KALRN: variants seen among roughly 807,000 people sequenced by gnomAD.
The protein encoded by KALRN is kalirin RhoGEF kinase, also known as kalirin.
KALRN carries 70 observed loss-of-function variants against 353.7 expected under a neutral mutation model. The ratio of observed to expected loss-of-function variants is 0.20; its 90% confidence interval spans 0.16 to 0.24. The LOEUF (loss-of-function observed/expected upper bound fraction) is 0.24, where lower values mean the gene tolerates loss of function less well. Ranked by LOEUF, KALRN falls within the 10% of genes least tolerant of loss-of-function variation. KALRN has a pLI of 1.00. For missense variants in KALRN, 2,791 were observed against 3,756.7 expected (o/e 0.74, Z 6.72); for synonymous variants, 1,391 against 1,434.8 (o/e 0.97, Z 0.69).
At chr3:124,221,607 G>A (rs996302772) in intron 1 of KALRN, among the ~76,000 whole-genome samples, 1 of 152,284 alleles carries the variant, frequency 6.6e-6, no homozygotes, top group Non-Finnish European at 1.5e-5. Context: ...TAAGAGGTAG[G>A]ATCAACAGAA....
intron 14 of KALRN, among the ~76,000 whole-genome samples, chr3:124,419,077 A>C (rs2150330977): frequency 6.6e-6 from 1 of 150,592 alleles, no homozygotes; most frequent in African/African-American, 2.4e-5. Context: ...GTCTAAAAGA[A>C]AAAAAAAAAT....
Position 124,329,880 on chromosome 3 carries a change from C to A in KALRN, c.1304C>A (p.Ala435Asp), listed in dbSNP as rs1273521942. Residue 435 changes from alanine (A) to aspartate (D), a missense_variant, in exon 8 of 60, where the codon GCC becomes GAC. Ala to Asp is a moderately radical substitution (Grantham distance 126). Around this residue, in one of 11 missense-constraint regions of KALRN, gnomAD observed 366 missense variants for 489.2 expected, o/e 0.75. Transcript: ENST00000682506. The part of the protein sequence containing the change: ...KAEQFLSGVD[A>D]WCKMCSEGGL... ...TTCCAGTTCCTGTCGGGAGTGGATG[C>A]CTGGTGCAAGATGTGCAGTGAAGGT... 14 of 1,613,662 alleles carry A rather than the reference C, an allele frequency of 8.7e-6. No homozygotes were observed. Among genetic ancestry groups the A allele is most frequent in the Non-Finnish European group, 1.1e-5 (13 of 1,179,782 alleles).
chr3:124,049,155 G>T (rs2040805318), intron 1 of KALRN, among the ~76,000 whole-genome samples: 1 of 152,198 alleles, frequency 6.6e-6, no homozygotes, highest in African/African-American at 2.4e-5. Context: ...TTAGGAGCCA[G>T]ATTTGCAGTC....
chr3:124,187,901 A>G (rs1030104652), intron 1 of KALRN, among the ~76,000 whole-genome samples: 1 of 152,192 alleles, frequency 6.6e-6, no homozygotes, highest in Admixed American at 6.5e-5. Context: ...AAAGTCCTCA[A>G]TATGTGCATT....
Position 124,633,942 on chromosome 3 carries a change from C to T in KALRN, c.5557C>T (p.Gln1853Ter). Residue 1853 changes from glutamine (Q) to a stop codon, truncating the protein, a stop_gained, in exon 36 of 60, where the codon CAG (glutamine) becomes TAG (stop). Coordinates refer to ENST00000682506, the MANE Select transcript of KALRN (RefSeq NM_001388419.1). LOFTEE classifies it high-confidence loss of function. Reference sequence around the variant, plus strand: ...GAAGATTTTTGACAACGACCCTACACAGGATGAAATGGTAGAACTTCTTTA... The same window carrying T: ...GAAGATTTTTGACAACGACCCTACATAGGATGAAATGGTAGAACTTCTTTA... ...PMKIFDNDPTQDEMSSSLLAA... is the reference protein window; with the variant it reads ...PMKIFDNDPT 6.2e-7 allele frequency: 1 copy of T among 1,613,640 alleles called. No homozygotes were observed. The highest frequency in any genetic ancestry group is 8.5e-7 in the Non-Finnish European group (1 of 1,179,564).
rs1321005817 is a variant in KALRN, at chr3:124,319,348, C to T, written c.1093-6632C>T. 3.3e-5 allele frequency among the ~76,000 whole-genome samples: 5 copies of T among 151,276 alleles called. No individual in the cohort carries two copies. In the East Asian group the frequency reaches 7.7e-4, roughly 23 times the overall value. ...CCAAATCTATTAAAGTTAAAAATAC[C>T]AATAAACCCCTAGCATTATTTATAG... On this transcript the variant is annotated intron_variant, in intron 6 of 59. Transcript: ENST00000682506.
At chr3:124,479,939 G>A (rs561928868) in intron 27 of KALRN, among the ~76,000 whole-genome samples, 43 of 152,046 alleles carry the variant, frequency 2.8e-4, no homozygotes, top group African/African-American at 8.9e-4. Flanking sequence ...TAGCCAGGAT[G>A]GTCTCGATCT....
At position 124,352,874 on chromosome 3, in the gene KALRN, G is replaced by A. The variant is rs531921916; in HGVS notation, c.1770+5609G>A. Among the ~76,000 whole-genome samples, 17 of 152,228 alleles carry A rather than the reference G, an allele frequency of 1.1e-4. No homozygotes were observed. The South Asian group carries it at 3.5e-3, about 32-fold the overall frequency. On this transcript the variant is annotated intron_variant, in intron 10 of 59. Coordinates refer to ENST00000682506, the MANE Select transcript of KALRN (RefSeq NM_001388419.1). ...CACTGGGGCCTGTTGTGGGGTAGGG[G>A]GCTGAGGGAGGGATAGCATTAGGAG...
chr3:124,495,965 G>GTATATATATATATA lies in KALRN; in HGVS notation c.4833-311_4833-298dup, dbSNP rs768441029. ...CCCAAGTGTGTGTATGTGTATGTAT[G>GTATATATATATATA]TATATATATATATATATATATATAT... On this transcript the variant is annotated intron_variant, in intron 32 of 59. Coordinates refer to ENST00000682506, the MANE Select transcript of KALRN (RefSeq NM_001388419.1). Among the ~76,000 whole-genome samples, 68 of 41,422 alleles carry GTATATATATATATA rather than the reference G, an allele frequency of 1.6e-3. 1 individual carries two copies. The highest frequency in any genetic ancestry group is 1.9e-3 in the Non-Finnish European group (48 of 25,524). 27.2% of individuals were successfully genotyped at this position (41,422 alleles called of 152,430 possible).
At chr3:124,241,572 C>T (rs1170969803) in intron 3 of KALRN, among the ~76,000 whole-genome samples, 2 of 152,154 alleles carry the variant, frequency 1.3e-5, no homozygotes, top group Non-Finnish European at 2.9e-5. Flanking sequence ...AAATTCTTTT[C>T]AATTTATTAA....
intron 33 of KALRN, among the ~76,000 whole-genome samples, chr3:124,499,168 C>T (rs1005792331): frequency 2.0e-5 from 3 of 152,056 alleles, no homozygotes; most frequent in African/African-American, 4.8e-5. Flanking sequence ...GAAAGCATAA[C>T]CATTAAAGAG....
rs369484200 is a variant in KALRN, at chr3:124,709,360, C to T, written c.8076-3575C>T. On this transcript the variant is annotated intron_variant, in intron 57 of 59. Transcript: ENST00000682506. ...TGGCACAATCTTGGCTCACTGCAAC[C>T]TCTGCCTCCCAAGTTCAAGTGATTT... Among the ~76,000 whole-genome samples, 309 of 152,314 alleles carry T rather than the reference C, an allele frequency of 2.0e-3. 2 individuals carry two copies. The Middle Eastern group carries it at 0.031, about 15-fold the overall frequency.
Position 124,679,452 on chromosome 3 carries a change from A to G in KALRN, c.7318-6A>G. The G allele has an allele frequency of 6.2e-7, 1 of 1,612,694 alleles. No individual in the cohort carries two copies. ...TTCTTCCCCCTTCCTCATGCTGCCA[A>G]TCAAGGAGACGAACAGTTCCGAGGA... On this transcript the variant is annotated splice_region_variant and splice_polypyrimidine_tract_variant and intron_variant, in intron 50 of 59. Coordinates refer to ENST00000682506, the MANE Select transcript of KALRN (RefSeq NM_001388419.1).
At chr3:124,343,117 A>C (rs1008811852) in intron 9 of KALRN, among the ~76,000 whole-genome samples, 13 of 151,726 alleles carry the variant, frequency 8.6e-5, no homozygotes. Flanking sequence ...TCCCTTCTCT[A>C]CTCTTGCCTT....
In KALRN at chr3:124,488,193, T is replaced by C; in HGVS notation, c.4285-11T>C. 22 of 1,599,244 alleles carry C rather than the reference T, an allele frequency of 1.4e-5. No individual in the cohort carries two copies. The highest frequency in any genetic ancestry group is 1.9e-5 in the Non-Finnish European group (22 of 1,167,358). On this transcript the variant is annotated splice_polypyrimidine_tract_variant and intron_variant, in intron 28 of 59. Transcript: ENST00000682506. The stretch of plus-strand genomic sequence containing the variant: ...ATGGCCCTAATTATGTCCGGACTTT[T>C]TTTTCCCCAGGAACTTTTAACTTGC...
rs370664741 is a variant in KALRN, at chr3:124,673,884, G to A, written c.6943-480G>A. On this transcript the variant is annotated intron_variant, in intron 48 of 59. Coordinates refer to ENST00000682506, the MANE Select transcript of KALRN (RefSeq NM_001388419.1). Reference sequence around the variant, plus strand: ...ATCATTCTTAGTCCTGTCTCAAAGAGGGTCAGAATATAAAGTAAAGCCAGC... The same window carrying A: ...ATCATTCTTAGTCCTGTCTCAAAGAAGGTCAGAATATAAAGTAAAGCCAGC... Among the ~76,000 whole-genome samples, 4 of 152,232 alleles carry A rather than the reference G, an allele frequency of 2.6e-5. No homozygotes were observed. The South Asian group carries it at 8.3e-4, about 32-fold the overall frequency.
chr3:124,628,568 T>C (rs1186780303), intron 34 of KALRN, among the ~76,000 whole-genome samples: 2 of 145,180 alleles, frequency 1.4e-5, no homozygotes, highest in Non-Finnish European at 3.0e-5. Flanking sequence ...TTCTTTTCTT[T>C]TCATTTCTTT....
intron 34 of KALRN, chr3:124,584,726 G>A (rs2074958718): frequency 6.7e-7 from 1 of 1,498,466 alleles, no homozygotes; most frequent in African/African-American, 1.4e-5. Context: ...GCGGGAGCCG[G>A]CTCTCGGGCG....
chr3:124,664,432 A>G (rs1260239078), intron 45 of KALRN, among the ~76,000 whole-genome samples: 1 of 142,256 alleles, frequency 7.0e-6, no homozygotes, highest in Non-Finnish European at 1.5e-5. Flanking sequence ...TTTTTTTGAG[A>G]TGGAGTCTTG....
Sources: allele counts gnomAD v4.1 joint callset (sites outside exome capture counted in the v4.1 genomes callset), GRCh38; gene constraint gnomAD v4.1.1; regional missense constraint gnomAD v4.1.1; transcripts MANE v1.5; gene names NCBI Gene and HGNC (gene_info 2026-07-23, HGNC 2026-07-21).